Variants in SLC25A40 observed in about 807,000 individuals in gnomAD.
The protein encoded by SLC25A40 is solute carrier family 25 member 40, also known as mitochondrial glutathione transporter SLC25A40.
A neutral mutation model predicts 46.5 loss-of-function variants in SLC25A40; 41 were observed. The ratio of observed to expected loss-of-function variants is 0.88; its 90% CI spans 0.69 to 1.14. The LOEUF is 1.14. Among genes scored for constraint, SLC25A40 ranks in the 50% most tolerant of loss-of-function variants. The pLI, the probability that SLC25A40 is intolerant of heterozygous loss-of-function variation, is 0.00. For missense variants in SLC25A40, 386 were observed against 393.6 expected (o/e 0.98, Z 0.16); for synonymous variants, 126 against 127.5 (o/e 0.99, Z 0.08).
At chr7:87,844,317 TGG>T (rs1249032415) in intron 8 of SLC25A40, among the ~76,000 whole-genome samples, 1 of 152,080 alleles carries the variant, frequency 6.6e-6, no homozygotes, top group Admixed American at 6.6e-5. Flanking sequence ...AACAAAACCA[TGG>T]GATCATGTAA....
rs1180262903 is a variant in SLC25A40, at chr7:87,841,673, T to C, written c.783A>G (p.Thr261=). The change falls in exon 10 of 12, where the codon ACA becomes ACG. Residue 261 remains threonine, a synonymous_variant. Coordinates refer to ENST00000341119, the MANE Select transcript of SLC25A40 (RefSeq NM_018843.4). ...ATGTCCAAAGTTGTGTCTGCTTTTG[T>C]GTTTTTACTACATCAAATGGTAAAG... ...VATLPFDVVK[T]QKQTQLWTYE... 1 of 1,529,914 alleles carries C rather than the reference T, an allele frequency of 6.5e-7. No individual in the cohort carries two copies. The highest frequency in any genetic ancestry group is 8.8e-7 in the Non-Finnish European group (1 of 1,137,618). 94.8% of individuals were successfully genotyped at this position (1,529,914 alleles called of 1,614,324 possible). A position where few individuals can be genotyped will look rare whatever the true frequency, so the allele number is the denominator to read the frequency against.
At chr7:87,875,626 A>G (rs1838987363) in intron 1 of SLC25A40, among the ~76,000 whole-genome samples, 1 of 152,058 alleles carries the variant, frequency 6.6e-6, no homozygotes, top group African/African-American at 2.4e-5. Context: ...TTGATCTTTA[A>G]TCTCTGTTTT....
intron 4 of SLC25A40, 107 bp from the exon 5 acceptor site, chr7:87,854,417 G>C (rs1182023299): frequency 1.5e-6 from 1 of 663,286 alleles, no homozygotes; most frequent in African/African-American, 1.9e-5. Context: ...ATTACGAAAA[G>C]AGAAACAATC....
At chr7:87,848,725 G>C (rs1050950131) in intron 6 of SLC25A40, among the ~76,000 whole-genome samples, 3 of 152,158 alleles carry the variant, frequency 2.0e-5, no homozygotes, top group Non-Finnish European at 4.4e-5. Flanking sequence ...CAAACACAAA[G>C]TTGCAGGTAC....
chr7:87,850,053 T>TA (rs562104896), intron 5 of SLC25A40, 105 bp from the exon 6 acceptor site: 826 of 714,296 alleles, frequency 1.2e-3, no homozygotes, highest in Admixed American at 1.6e-3. Flanking sequence ...TATTTATATC[T>TA]AAAAAAATAA....
chr7:87,844,720 A>G (rs566065766), intron 8 of SLC25A40, among the ~76,000 whole-genome samples: 5 of 152,092 alleles, frequency 3.3e-5, no homozygotes, highest in Non-Finnish European at 7.4e-5. Context: ...AAAAAAATCA[A>G]TTGCAACTGC....
intron 1 of SLC25A40, among the ~76,000 whole-genome samples, chr7:87,872,206 C>G (rs985126096): frequency 6.6e-6 from 1 of 152,148 alleles, no homozygotes; most frequent in Non-Finnish European, 1.5e-5. Context: ...TTTTCCAAAA[C>G]TTACATGGAA....
intron 3 of SLC25A40, 67 bp downstream of exon 3, chr7:87,858,564 C>T (rs1392652321): frequency 5.6e-6 from 5 of 891,970 alleles, no homozygotes; most frequent in Admixed American, 3.7e-5. Context: ...AATACTGATA[C>T]TAAAACTCAA....
chr7:87,865,461 C>A (rs1269073107), intron 1 of SLC25A40, among the ~76,000 whole-genome samples: 1 of 152,156 alleles, frequency 6.6e-6, no homozygotes, highest in Non-Finnish European at 1.5e-5. Flanking sequence ...TTGCACACCA[C>A]AATTACAGCA....
chr7:87,834,160 A>AGTC lies in SLC25A40; in HGVS notation c.*2086_*2088dup, dbSNP rs1838229181. On this transcript the variant is annotated 3_prime_UTR_variant, in exon 12 of 12. Transcript: ENST00000341119. ...TCCTGCAACATCATATGTATTGAAA[A>AGTC]GTCTGGAAAGCCCATGTGGCTGAGA... is the stretch of plus-strand genomic sequence containing the variant. 2 of 152,020 alleles carry AGTC rather than the reference A, an allele frequency of 1.3e-5. No individual in the cohort carries two copies. The highest frequency in any genetic ancestry group is 4.8e-5 in the African/African-American group (2 of 41,528). 9.4% of individuals were successfully genotyped at this position (152,020 alleles called of 1,614,324 possible). A position where few individuals can be genotyped will look rare whatever the true frequency, so the allele number is the denominator to read the frequency against.
At chr7:87,865,931 A>C (rs911929285) in intron 1 of SLC25A40, among the ~76,000 whole-genome samples, 1 of 152,078 alleles carries the variant, frequency 6.6e-6, no homozygotes, top group Non-Finnish European at 1.5e-5. Context: ...AAAAATACAG[A>C]AATTAGCCAG....
chr7:87,870,164 A>C (rs901262753), intron 1 of SLC25A40, among the ~76,000 whole-genome samples: 3 of 151,216 alleles, frequency 2.0e-5, no homozygotes, highest in Non-Finnish European at 2.9e-5. Context: ...ATTGAGTTAT[A>C]ATAATTCTTC....
At position 87,857,014 on chromosome 7, in the gene SLC25A40, CA is replaced by C. The variant is rs1040574110; in HGVS notation, c.98-664del. ...TTCTGACCTGAAAATACATCATAAG[CA>C]ATTAATTTATTTGTTCTAATCATTT... On this transcript the variant is annotated intron_variant, in intron 3 of 11. Coordinates refer to ENST00000341119, the MANE Select transcript of SLC25A40 (RefSeq NM_018843.4). Among the ~76,000 whole-genome samples, 5 of 152,186 alleles carry C rather than the reference CA, an allele frequency of 3.3e-5. No homozygotes were observed. The East Asian group carries it at 9.7e-4, about 29-fold the overall frequency.
At chr7:87,843,651 T>G in intron 9 of SLC25A40, 103 bp downstream of exon 9, 1 of 760,882 alleles carries the variant, frequency 1.3e-6, no homozygotes, top group Non-Finnish European at 2.1e-6. Context: ...TTTCAAGCAG[T>G]GCAGCCAAAG....
intron 1 of SLC25A40, among the ~76,000 whole-genome samples, chr7:87,863,417 A>C (rs532292934): frequency 1.3e-3 from 198 of 152,036 alleles, no homozygotes; most frequent in Non-Finnish European, 2.2e-3. Context: ...TGCTGCCACC[A>C]TGTGAAGGAC....
At position 87,833,948 on chromosome 7, in the gene SLC25A40, A is replaced by T. The variant is rs968994629; in HGVS notation, c.*2301T>A. The T allele has an allele frequency of 1.3e-5, 2 of 151,956 alleles. No homozygotes were observed. Among genetic ancestry groups the T allele is most frequent in the Non-Finnish European group, 2.9e-5 (2 of 67,916 alleles). 9.4% of individuals were successfully genotyped at this position (151,956 alleles called of 1,614,324 possible). A position where few individuals can be genotyped will look rare whatever the true frequency, so the allele number is the denominator to read the frequency against. Reference sequence around the variant, plus strand: ...AAAAAAAAATATTGCCTTTTAAAAAAAATCAAATATGTACTACTTTAAAGG... The same window carrying T: ...AAAAAAAAATATTGCCTTTTAAAAATAATCAAATATGTACTACTTTAAAGG... On this transcript the variant is annotated 3_prime_UTR_variant, in exon 12 of 12. Transcript: ENST00000341119.
intron 11 of SLC25A40, 54 bp downstream of exon 11, chr7:87,836,676 A>G: frequency 1.7e-6 from 2 of 1,200,186 alleles, no homozygotes; most frequent in South Asian, 1.6e-5. Context: ...TTAGAAGGTA[A>G]TATTTTAAAA....
intron 1 of SLC25A40, among the ~76,000 whole-genome samples, chr7:87,875,751 A>G (rs1838992341): frequency 6.6e-6 from 1 of 152,234 alleles, no homozygotes; most frequent in South Asian, 2.1e-4. Flanking sequence ...CAGCGCAAAT[A>G]GCCAACTACC....
chr7:87,857,039 T>C (rs1378557727), intron 3 of SLC25A40, among the ~76,000 whole-genome samples: 1 of 152,216 alleles, frequency 6.6e-6, no homozygotes, highest in African/African-American at 2.4e-5. Flanking sequence ...TTCTAATCAT[T>C]TGTTATTTAC....
Sources: allele counts gnomAD v4.1 joint callset (sites outside exome capture counted in the v4.1 genomes callset), GRCh38; gene constraint gnomAD v4.1.1; transcripts MANE v1.5; gene names NCBI Gene and HGNC (gene_info 2026-07-23, HGNC 2026-07-21).